CACNB1: variants seen among roughly 807,000 people sequenced by gnomAD.
CACNB1 encodes the protein voltage-dependent L-type calcium channel subunit beta-1.
A neutral mutation model predicts 71.6 loss-of-function variants in CACNB1; 29 were observed. The ratio of observed to expected loss-of-function variants is 0.40; its 90% CI spans 0.30 to 0.55. The LOEUF (loss-of-function observed/expected upper bound fraction) is 0.55. Ranked by LOEUF, CACNB1 falls within the 20% of genes least tolerant of loss-of-function variation. CACNB1 has a pLI of 0.38. For missense variants in CACNB1, 623 were observed against 801.8 expected (o/e 0.78, Z 2.69); for synonymous variants, 300 against 319.6 (o/e 0.94, Z 0.65).
chr17:39,197,288 G>T, intron 1 of CACNB1, 124 bp downstream of exon 1: 1 of 487,530 alleles, frequency 2.1e-6, no homozygotes, highest in Non-Finnish European at 3.5e-6. Flanking sequence ...TGGGGGGCGC[G>T]CAGGCATCCC....
rs2046170098 is a variant in CACNB1, at chr17:39,194,864, C to CCGCCCAGCCTCCCCATTACCTGG, written c.168_171+19dup. On this transcript the variant is annotated intron_variant, in intron 2 of 13. Transcript: ENST00000394303. This position sits in a 1 kb window ranked among gnomAD's most constrained non-coding sequence, Gnocchi z 4.6. Reference sequence around the variant, plus strand: ...CACCAACCAGCCACCTCCCTCCTCTCCGCCCAGCCTCCCCATTACCTGGCG... The same window carrying CCGCCCAGCCTCCCCATTACCTGG: ...CACCAACCAGCCACCTCCCTCCTCTCCGCCCAGCCTCCCCATTACCTGGCGCCCAGCCTCCCCATTACCTGGCG... 3 of 1,571,286 alleles carry CCGCCCAGCCTCCCCATTACCTGG rather than the reference C, an allele frequency of 1.9e-6. No individual in the cohort carries two copies. Among genetic ancestry groups the CCGCCCAGCCTCCCCATTACCTGG allele is most frequent in the South Asian group, 2.3e-5 (2 of 88,758 alleles).
intron 8 of CACNB1, 44 bp from the exon 9 acceptor site, chr17:39,184,427 C>T: frequency 9.7e-7 from 1 of 1,033,678 alleles, no homozygotes; most frequent in Non-Finnish European, 1.5e-6. Context: ...AGAAGGCAGG[C>T]ATTTAAAGCC....
At chr17:39,195,773 G>GCCCATGC (rs1381445813) in intron 1 of CACNB1, among the ~76,000 whole-genome samples, 1 of 152,126 alleles carries the variant, frequency 6.6e-6, no homozygotes, top group Admixed American at 6.6e-5. Flanking sequence ...AGCTGCCACT[G>GCCCATGC]CCCATGCCCC....
At chr17:39,195,053 C>A in intron 1 of CACNB1, 83 bp from the exon 2 acceptor site, 4 of 958,598 alleles carry the variant, frequency 4.2e-6, no homozygotes, top group South Asian at 1.5e-5. Context: ...GAGCTACAGC[C>A]AAGCTTGGGA....
At chr17:39,183,589 G>T (rs919017779) in intron 11 of CACNB1, 124 bp downstream of exon 11, 1 of 806,566 alleles carries the variant, frequency 1.2e-6, no homozygotes, top group Non-Finnish European at 1.9e-6. Flanking sequence ...GAGCTTTACA[G>T]AGAAGGAAAC....
intron 3 of CACNB1, among the ~76,000 whole-genome samples, chr17:39,189,092 C>T (rs1297598437): frequency 1.3e-5 from 2 of 151,964 alleles, no homozygotes; most frequent in African/African-American, 2.4e-5. Context: ...AGGCCGGGCG[C>T]AATGGCTCAT....
At position 39,177,529 on chromosome 17, in the gene CACNB1, A is replaced by C; in HGVS notation, c.1153T>G (p.Phe385Val). 6.3e-7 allele frequency: 1 copy of C among 1,587,142 alleles called. No individual in the cohort carries two copies. Among genetic ancestry groups the C allele is most frequent in the Non-Finnish European group, 8.6e-7 (1 of 1,162,830 alleles). ...EKLAQCPPEM[F>V]DIILDENQLE... is the part of the protein sequence containing the mutation. Reference sequence around the variant, plus strand: ...TGGTTCTCATCCAGGATGATGTCAAACATTTCCTGTGAAGGCGGGGTTAGG... The same window carrying C: ...TGGTTCTCATCCAGGATGATGTCAACCATTTCCTGTGAAGGCGGGGTTAGG... Residue 385 changes from phenylalanine (F) to valine (V), a missense_variant, in exon 13 of 14, where the codon TTT becomes GTT. Coordinates refer to ENST00000394303, the MANE Select transcript of CACNB1 (RefSeq NM_000723.5).
At position 39,193,015 on chromosome 17, in the gene CACNB1, C is replaced by T. The variant is rs550681426; in HGVS notation, c.172-1422G>A. On this transcript the variant is annotated intron_variant, in intron 2 of 13. Transcript: ENST00000394303. ...GGAAACAGACAGGGAGACAGACTAG[C>T]AGAGAGGCACTCACCGACCCCAACA... The T allele has an allele frequency of 9.2e-5, 15 of 162,340 alleles. 1 individual carries two copies. The South Asian group carries it at 2.1e-3, about 22-fold the overall frequency. 10.1% of individuals were successfully genotyped at this position (162,340 alleles called of 1,614,324 possible).
At chr17:39,196,760 T>C (rs1597721790) in intron 1 of CACNB1, among the ~76,000 whole-genome samples, 1 of 145,986 alleles carries the variant, frequency 6.8e-6, no homozygotes, top group East Asian at 2.2e-4. Flanking sequence ...CCATCCAACT[T>C]TCCAAACTTT....
intron 11 of CACNB1, among the ~76,000 whole-genome samples, chr17:39,179,230 G>A (rs887342760): frequency 1.4e-5 from 2 of 144,960 alleles, no homozygotes; most frequent in Admixed American, 7.1e-5. Context: ...GCAGTAAGCC[G>A]AGATGGTGCC....
chr17:39,179,158 T>C (rs1337859205), intron 11 of CACNB1, among the ~76,000 whole-genome samples: 1 of 149,704 alleles, frequency 6.7e-6, no homozygotes, highest in Non-Finnish European at 1.5e-5. Flanking sequence ...CCGGATGTGG[T>C]GGTAGGCGCC....
chr17:39,179,558 G>T (rs767292818), intron 11 of CACNB1, among the ~76,000 whole-genome samples: 3 of 146,410 alleles, frequency 2.0e-5, no homozygotes, highest in African/African-American at 7.6e-5. Flanking sequence ...CAACCTGAGC[G>T]ACAGAGTGAG....
chr17:39,184,725 T>G, intron 8 of CACNB1, 59 bp downstream of exon 8: 1 of 1,191,810 alleles, frequency 8.4e-7, no homozygotes, highest in Non-Finnish European at 1.3e-6. Context: ...GGGATCTCTC[T>G]GGGGTCTGAA....
chr17:39,174,970 C>T lies in CACNB1; in HGVS notation c.*223G>A, dbSNP rs940719493. On this transcript the variant is annotated 3_prime_UTR_variant, in exon 14 of 14. Coordinates refer to ENST00000394303, the MANE Select transcript of CACNB1 (RefSeq NM_000723.5). ...GGGACACTTCAGAAAGGTGGGTATC[C>T]CCCATCCATCCACAACAGGCAGGTA... is the stretch of plus-strand genomic sequence containing the variant. 2 of 567,690 alleles carry T rather than the reference C, an allele frequency of 3.5e-6. No individual in the cohort carries two copies. Among genetic ancestry groups the T allele is most frequent in the African/African-American group, 3.8e-5 (2 of 53,170 alleles). 35.2% of individuals were successfully genotyped at this position (567,690 alleles called of 1,614,324 possible).
intron 3 of CACNB1, among the ~76,000 whole-genome samples, 200 bp downstream of exon 3, chr17:39,191,274 G>GGA (rs2046072902): frequency 8.6e-6 from 1 of 115,762 alleles, no homozygotes; most frequent in Non-Finnish European, 2.1e-5. Context: ...ATAATAACAC[G>GGA]CACTTATTAT....
intron 1 of CACNB1, chr17:39,195,251 G>C (rs1033131042): frequency 5.9e-6 from 2 of 340,732 alleles, no homozygotes; most frequent in African/African-American, 2.1e-5. Flanking sequence ...GCTGGGAAGG[G>C]GGGAGGCGCG....
chr17:39,175,660 G>A lies in CACNB1; in HGVS notation c.1333-3C>T. The A allele has an allele frequency of 6.4e-7, 1 of 1,553,830 alleles. No individual in the cohort carries two copies. Among genetic ancestry groups the A allele is most frequent in the Non-Finnish European group, 8.7e-7 (1 of 1,149,398 alleles). ...TCCCCGGAAGCAAGGTAGGGTCCCT[G>A]GTTAGCAGACGGACAGCACACACCA... On this transcript the variant is annotated splice_polypyrimidine_tract_variant and splice_region_variant and intron_variant, in intron 13 of 13. Transcript: ENST00000394303. The surrounding 1 kb of genome is among the most constrained non-coding windows in gnomAD (Gnocchi z 4.7).
chr17:39,185,201 G>GCCCCACCCACCCCC, intron 6 of CACNB1, 51 bp from the exon 7 acceptor site: 1 of 1,445,614 alleles, frequency 6.9e-7, no homozygotes, highest in Non-Finnish European at 9.7e-7. Flanking sequence ...GAGGGAAGGG[G>GCCCCACCCACCCCC]ACCCAGGCAG....
Position 39,187,619 on chromosome 17 carries a change from G to A in CACNB1, c.292-18C>T. On this transcript the variant is annotated intron_variant, in intron 3 of 13. Transcript: ENST00000394303. ...GGCTTGGTCTAGAGGAGGCACACAGGGGAGGATGGCAACTAGAGGGCAAAC... is the reference window on the plus strand; with the variant it reads ...GGCTTGGTCTAGAGGAGGCACACAGAGGAGGATGGCAACTAGAGGGCAAAC... 3.1e-6 allele frequency: 5 copies of A among 1,614,012 alleles called. No homozygotes were observed. The highest frequency in any genetic ancestry group is 4.2e-6 in the Non-Finnish European group (5 of 1,179,878).
Sources: allele counts gnomAD v4.1 joint callset (sites outside exome capture counted in the v4.1 genomes callset), GRCh38; gene constraint gnomAD v4.1.1; non-coding constraint Gnocchi (gnomAD v3.1); transcripts MANE v1.5; gene names NCBI Gene and HGNC (gene_info 2026-07-23, HGNC 2026-07-21).